Variants in WDR26 observed in about 807,000 individuals in gnomAD.
WDR26 encodes WD repeat-containing protein 26.
In WDR26, 5 loss-of-function variants were observed where a neutral mutation model predicts 84.1. The observed-to-expected ratio is 0.06, with a 90% confidence interval of 0.03 to 0.13. The LOEUF (loss-of-function observed/expected upper bound fraction) is 0.13, where lower values mean the gene tolerates loss of function less well. Among genes scored for constraint, WDR26 ranks in the 10% least tolerant of loss-of-function variants. The pLI, the probability that WDR26 is intolerant of heterozygous loss-of-function variation, is 1.00. For synonymous variants in WDR26, 415 were observed against 389.6 expected, an observed-to-expected ratio of 1.07 and a Z score of -0.77; for missense variants, 642 against 974.9, an observed-to-expected ratio of 0.66 and a Z score of 4.55.
chr1:224,387,503 C>A lies in WDR26; in HGVS notation c.*2332G>T, dbSNP rs1433119329. The A allele has an allele frequency of 6.6e-6, 1 of 152,590 alleles. No individual in the cohort carries two copies. The highest frequency in any genetic ancestry group is 2.4e-5 in the African/African-American group (1 of 41,442). 9.5% of individuals were successfully genotyped at this position (152,590 alleles called of 1,614,324 possible). On this transcript the variant is annotated 3_prime_UTR_variant, in exon 14 of 14. Coordinates refer to ENST00000414423, the MANE Select transcript of WDR26 (RefSeq NM_001379403.1). ...ACTCCGTTTTAATAGGAGTTATGTT[C>A]TTGTAAAATGTGCCTCACTTTTACT...
At position 224,434,034 on chromosome 1, in the gene WDR26, CCCGCCGCCCCCTCCTCCTCCACCG is replaced by C. The variant is rs1207618661; in HGVS notation, c.348_371del (p.Gly118_Gly125del). Reference sequence around the variant, plus strand: ...CGAGTTCCGGGGTCTGTCCCTGGCCCCCGCCGCCCCCTCCTCCTCCACCGCCGCCGCCGCCACCTCCTCCTCCTC... The same window carrying C: ...CGAGTTCCGGGGTCTGTCCCTGGCCCCCGCCGCCGCCACCTCCTCCTCCTC... On this transcript the variant is annotated inframe_deletion, in exon 1 of 14. Transcript: ENST00000414423. 7 of 1,465,972 alleles carry C rather than the reference CCCGCCGCCCCCTCCTCCTCCACCG, an allele frequency of 4.8e-6. No homozygotes were observed. The highest frequency in any genetic ancestry group is 6.3e-6 in the Non-Finnish European group (7 of 1,113,172). The allele number at this position is 1,465,972 out of a possible 1,614,324, so 90.8% of individuals were successfully genotyped here.
chr1:224,424,100 T>C (rs1214192795), intron 4 of WDR26, among the ~76,000 whole-genome samples: 2 of 152,176 alleles, frequency 1.3e-5, no homozygotes, highest in Non-Finnish European at 2.9e-5. Flanking sequence ...AATGAGGCTG[T>C]TTATGTGAAA....
chr1:224,406,090 T>C (rs1201757339), intron 7 of WDR26, among the ~76,000 whole-genome samples: 1 of 152,184 alleles, frequency 6.6e-6, no homozygotes, highest in Non-Finnish European at 1.5e-5. Flanking sequence ...CTGGACACTA[T>C]GGCTCATGCC....
chr1:224,431,664 C>G lies in WDR26; in HGVS notation c.822+18G>C. 1 of 1,612,364 alleles carries G rather than the reference C, an allele frequency of 6.2e-7. No homozygotes were observed. Among genetic ancestry groups the G allele is most frequent in the Non-Finnish European group, 8.5e-7 (1 of 1,178,520 alleles). ...TAATTTTAGCAGCAGTCACACAGCTCTATATGCCCTACTTTACCTTATCCC... is the reference window on the plus strand; with the variant it reads ...TAATTTTAGCAGCAGTCACACAGCTGTATATGCCCTACTTTACCTTATCCC... On this transcript the variant is annotated intron_variant, in intron 2 of 13. Transcript: ENST00000414423.
chr1:224,425,391 A>T (rs1327709712), intron 3 of WDR26, among the ~76,000 whole-genome samples: 3 of 152,218 alleles, frequency 2.0e-5, no homozygotes, highest in Non-Finnish European at 4.4e-5. Flanking sequence ...ATTTCTGACA[A>T]TCTGATCACT....
chr1:224,433,869 C>G lies in WDR26; in HGVS notation c.537G>C (p.Gly179=). 1 of 1,536,956 alleles carries G rather than the reference C, an allele frequency of 6.5e-7. No individual in the cohort carries two copies. Among genetic ancestry groups the G allele is most frequent in the Non-Finnish European group, 8.7e-7 (1 of 1,146,796 alleles). The change falls in exon 1 of 14, where the codon GGG becomes GGC. Residue 179 remains glycine, a synonymous_variant. Transcript: ENST00000414423. ...ATGCGGCGGCCGCCCCGCCGGGAAC[C>G]CCGTTATTGACATTCAGGCTGTTGC...
In WDR26 at chr1:224,434,748, C is replaced by T. The variant is rs192114388; in HGVS notation, c.-343G>A. On this transcript the variant is annotated 5_prime_UTR_variant, in exon 1 of 14. Coordinates refer to ENST00000414423, the MANE Select transcript of WDR26 (RefSeq NM_001379403.1). ...GCTGCCGCCTCTGTCCTCGGATCCG[C>T]TCCGCTCTGCTCCCTGGTGTGTTGA... The T allele has an allele frequency of 7.7e-4, 757 of 987,102 alleles. 5 individuals are homozygous for T. In the African/African-American group the frequency reaches 0.012, roughly 15 times the overall value. 61.1% of individuals were successfully genotyped at this position (987,102 alleles called of 1,614,324 possible).
At chr1:224,408,544 CAG>C (rs1345365852) in intron 7 of WDR26, among the ~76,000 whole-genome samples, 2 of 151,538 alleles carry the variant, frequency 1.3e-5, no homozygotes, top group African/African-American at 4.8e-5. Context: ...TGAATGAAAA[CAG>C]AACTCAGAAT....
chr1:224,431,303 A>AT, intron 3 of WDR26, 174 bp downstream of exon 3: 1 of 554,578 alleles, frequency 1.8e-6, no homozygotes, highest in Non-Finnish European at 3.2e-6. Context: ...ACTAAGTATG[A>AT]TTTTAAAGAA....
In WDR26 at chr1:224,434,274, A is replaced by G; in HGVS notation, c.132T>C (p.Ala44=). ...GGGAGAGGCCTGCTCTGCCTGCCGA[A>G]GCCCCGGGCTCTCCTACTCCCTCCG... Residue 44 remains alanine (A), a synonymous_variant, in exon 1 of 14, where the codon GCT becomes GCC. Coordinates refer to ENST00000414423, the MANE Select transcript of WDR26 (RefSeq NM_001379403.1). 1 of 1,278,538 alleles carries G rather than the reference A, an allele frequency of 7.8e-7. No individual in the cohort carries two copies. Among genetic ancestry groups the G allele is most frequent in the Non-Finnish European group, 9.9e-7 (1 of 1,014,154 alleles). 79.2% of individuals were successfully genotyped at this position (1,278,538 alleles called of 1,614,324 possible).
At position 224,434,744 on chromosome 1, in the gene WDR26, T is replaced by G. The variant is rs868821819; in HGVS notation, c.-339A>C. On this transcript the variant is annotated 5_prime_UTR_variant, in exon 1 of 14. Transcript: ENST00000414423. The stretch of plus-strand genomic sequence containing the variant: ...GGCAGCTGCCGCCTCTGTCCTCGGA[T>G]CCGCTCCGCTCTGCTCCCTGGTGTG... 17 of 986,890 alleles carry G rather than the reference T, an allele frequency of 1.7e-5. No individual in the cohort carries two copies. The highest frequency in any genetic ancestry group is 5.2e-4 in the Middle Eastern group (1 of 1,914). 61.1% of individuals were successfully genotyped at this position (986,890 alleles called of 1,614,324 possible).
intron 4 of WDR26, among the ~76,000 whole-genome samples, chr1:224,421,587 C>A (rs992616204): frequency 6.6e-6 from 1 of 151,724 alleles, no homozygotes; most frequent in Admixed American, 6.6e-5. Flanking sequence ...GAGACTCTGT[C>A]TCAAAAAAAA....
chr1:224,406,793 G>T (rs905780199), intron 7 of WDR26, among the ~76,000 whole-genome samples: 1 of 151,982 alleles, frequency 6.6e-6, no homozygotes, highest in Non-Finnish European at 1.5e-5. Context: ...TCAACACAAA[G>T]ATTTGCTTTT....
In WDR26 at chr1:224,434,688, T is replaced by G. The variant is rs1021836411; in HGVS notation, c.-283A>C. The G allele has an allele frequency of 4.3e-4, 382 of 895,706 alleles. No individual in the cohort carries two copies. The highest frequency in any genetic ancestry group is 4.9e-4 in the Non-Finnish European group (371 of 751,172). 55.5% of individuals were successfully genotyped at this position (895,706 alleles called of 1,614,324 possible). On this transcript the variant is annotated 5_prime_UTR_variant, in exon 1 of 14. Coordinates refer to ENST00000414423, the MANE Select transcript of WDR26 (RefSeq NM_001379403.1). The stretch of plus-strand genomic sequence containing the variant: ...CGCTGGGCTGAGCCCCGGCAGTGGC[T>G]GCGGCGGCGGCGGCGGCGGGCGGCA...
intron 13 of WDR26, among the ~76,000 whole-genome samples, chr1:224,393,229 A>AATAAAG (rs577242334): frequency 6.6e-6 from 1 of 152,178 alleles, no homozygotes; most frequent in African/African-American, 2.4e-5. Flanking sequence ...TACCTCTAAA[A>AATAAAG]ATAAAGATAA....
At chr1:224,404,853 T>C (rs373697786) in intron 7 of WDR26, among the ~76,000 whole-genome samples, 1 of 152,198 alleles carries the variant, frequency 6.6e-6, no homozygotes, top group Admixed American at 6.5e-5. Context: ...AAAGATATAT[T>C]GAATTTGACC....
chr1:224,390,410 C>T (rs1029984865), intron 13 of WDR26, among the ~76,000 whole-genome samples: 6 of 152,160 alleles, frequency 3.9e-5, no homozygotes, highest in African/African-American at 1.4e-4. Flanking sequence ...CACTGGCCAC[C>T]GTGCCTAGCC....
At chr1:224,413,092 G>A (rs573232321) in intron 6 of WDR26, 41 of 191,484 alleles carry the variant, frequency 2.1e-4, no homozygotes, top group Non-Finnish European at 4.0e-4. Flanking sequence ...AAGAAGCTGA[G>A]GCAGGAGAAT....
At chr1:224,422,752 T>C (rs1027463918) in intron 4 of WDR26, among the ~76,000 whole-genome samples, 8 of 150,948 alleles carry the variant, frequency 5.3e-5, no homozygotes, top group African/African-American at 1.7e-4. Context: ...GTGAAGACAA[T>C]GTAACTAGGT....
Sources: allele counts gnomAD v4.1 joint callset (sites outside exome capture counted in the v4.1 genomes callset), GRCh38; gene constraint gnomAD v4.1.1; transcripts MANE v1.5; gene names NCBI Gene and HGNC (gene_info 2026-07-23, HGNC 2026-07-21).